CD96: variants seen among roughly 807,000 people sequenced by gnomAD.
CD96 encodes T-cell surface protein tactile.
In CD96, 70 loss-of-function variants were observed where a neutral mutation model predicts 71.3. That is an observed-to-expected ratio of 0.98 (90% CI 0.81 to 1.20). The LOEUF (loss-of-function observed/expected upper bound fraction) is 1.20. CD96 is among the 50% of genes most tolerant of loss of function. CD96 has a pLI of 0.00. For missense variants in CD96, 742 were observed against 677.5 expected, an observed-to-expected ratio of 1.10 and a Z score of -1.06; for synonymous variants, 248 against 233.0, an observed-to-expected ratio of 1.06 and a Z score of -0.59.
intron 3 of CD96, 80 bp downstream of exon 3, chr3:111,567,727 G>A (rs777881366): frequency 6.3e-6 from 8 of 1,260,834 alleles, no homozygotes; most frequent in African/African-American, 4.4e-5. Flanking sequence ...AGTAATAATA[G>A]GGAAGGAAGC....
chr3:111,564,002 A>G (rs1000673897), intron 2 of CD96, among the ~76,000 whole-genome samples: 6 of 152,096 alleles, frequency 3.9e-5, no homozygotes, highest in Admixed American at 6.5e-5. Context: ...TAACTATGTT[A>G]CTCTATTGTT....
chr3:111,649,967 C>T lies in CD96; in HGVS notation c.*161C>T. On this transcript the variant is annotated 3_prime_UTR_variant, in exon 14 of 14. Coordinates refer to ENST00000352690, the MANE Select transcript of CD96 (RefSeq NM_005816.5). Reference sequence around the variant, plus strand: ...GTTTTCCCAGCAACTCACCCTCTTCCATCTCCAAACGCCTGAAGCTTAACC... The same window carrying T: ...GTTTTCCCAGCAACTCACCCTCTTCTATCTCCAAACGCCTGAAGCTTAACC... The T allele has an allele frequency of 1.5e-6, 1 of 670,088 alleles. No homozygotes were observed. The highest frequency in any genetic ancestry group is 3.1e-4 in the Middle Eastern group (1 of 3,192). The allele number at this position is 670,088 out of a possible 1,614,324, so 41.5% of individuals were successfully genotyped here.
chr3:111,638,759 C>G (rs1019283540), intron 12 of CD96, among the ~76,000 whole-genome samples: 1 of 152,154 alleles, frequency 6.6e-6, no homozygotes, highest in African/African-American at 2.4e-5. Flanking sequence ...GTACTCAGCT[C>G]ATTTTGTGTC....
At chr3:111,628,364 CA>C (rs1288623656) in intron 10 of CD96, among the ~76,000 whole-genome samples, 2 of 152,194 alleles carry the variant, frequency 1.3e-5, no homozygotes, top group Admixed American at 6.5e-5. Context: ...AAACACACTA[CA>C]AAAACTTCAC....
At chr3:111,547,617 T>G (rs1934478641) in intron 2 of CD96, among the ~76,000 whole-genome samples, 1 of 152,138 alleles carries the variant, frequency 6.6e-6, no homozygotes, top group Non-Finnish European at 1.5e-5. Context: ...TTTAAAGAAA[T>G]GTATTTCTTA....
intron 8 of CD96, among the ~76,000 whole-genome samples, chr3:111,618,168 T>G (rs1559759699): frequency 6.6e-6 from 1 of 152,200 alleles, no homozygotes; most frequent in African/African-American, 2.4e-5. Flanking sequence ...TGGCTCACCC[T>G]TGGCAGGTGT....
rs1940010989 is a variant in CD96 at position 111,650,087 on chromosome 3, A to C, written c.*281A>C. 2.4e-6 allele frequency: 1 copy of C among 414,788 alleles called. No individual in the cohort carries two copies. Among genetic ancestry groups the C allele is most frequent in the African/African-American group, 2.0e-5 (1 of 49,424 alleles). 25.7% of individuals were successfully genotyped at this position (414,788 alleles called of 1,614,324 possible). A position where few individuals can be genotyped will look rare whatever the true frequency, so the allele number is the denominator to read the frequency against. On this transcript the variant is annotated 3_prime_UTR_variant, in exon 14 of 14. Coordinates refer to ENST00000352690, the MANE Select transcript of CD96 (RefSeq NM_005816.5). The stretch of plus-strand genomic sequence containing the variant: ...TACATATTAGTCTGCCATCTTTAAA[A>C]AAAAATACAGTATTTTCATTTAAAT...
At chr3:111,566,761 A>C (rs1935732374) in intron 2 of CD96, among the ~76,000 whole-genome samples, 1 of 152,260 alleles carries the variant, frequency 6.6e-6, no homozygotes, top group East Asian at 1.9e-4. Flanking sequence ...TGCTTCCTCA[A>C]AGTTTCCTTA....
intron 10 of CD96, among the ~76,000 whole-genome samples, chr3:111,628,581 C>A (rs1450441650): frequency 5.9e-5 from 9 of 152,068 alleles, no homozygotes; most frequent in African/African-American, 1.9e-4. Flanking sequence ...AAGAATGGAA[C>A]CAACTTGGAA....
chr3:111,546,456 A>G (rs1934401519), intron 2 of CD96, among the ~76,000 whole-genome samples: 1 of 152,234 alleles, frequency 6.6e-6, no homozygotes, highest in South Asian at 2.1e-4. Context: ...TTTAAGTTCT[A>G]GCTCCTTTCT....
intron 10 of CD96, among the ~76,000 whole-genome samples, chr3:111,636,340 T>G (rs1300129190): frequency 6.6e-6 from 1 of 152,200 alleles, no homozygotes; most frequent in Non-Finnish European, 1.5e-5. Flanking sequence ...TATTTTGATT[T>G]TGCTCACTTG....
chr3:111,592,868 G>C (rs1937057541), intron 5 of CD96: 1 of 152,134 alleles, frequency 6.6e-6, no homozygotes, highest in Non-Finnish European at 1.5e-5. Flanking sequence ...TTAAGCATTA[G>C]GTTGTTAAAA....
At chr3:111,568,469 A>G (rs1401888629) in intron 3 of CD96, among the ~76,000 whole-genome samples, 5 of 152,190 alleles carry the variant, frequency 3.3e-5, no homozygotes, top group African/African-American at 1.2e-4. Context: ...AAGTTGCTTA[A>G]CATGCTTAAC....
chr3:111,577,066 C>A (rs1341732901), intron 3 of CD96, among the ~76,000 whole-genome samples: 1 of 152,260 alleles, frequency 6.6e-6, no homozygotes, highest in South Asian at 2.1e-4. Context: ...AAAAAAGCAA[C>A]CTTTGGATAA....
At chr3:111,617,137 G>T (rs1315458237) in intron 8 of CD96, among the ~76,000 whole-genome samples, 1 of 152,252 alleles carries the variant, frequency 6.6e-6, no homozygotes, top group Admixed American at 6.5e-5. Context: ...AGCAGGTGGA[G>T]ATGGGCTGAG....
chr3:111,550,043 T>G (rs1934615693), intron 2 of CD96, among the ~76,000 whole-genome samples: 1 of 151,944 alleles, frequency 6.6e-6, no homozygotes, highest in Admixed American at 6.6e-5. Flanking sequence ...TGGTGACGGA[T>G]GGAGAAAGGT....
At chr3:111,661,357 A>G (rs1256040459) in intron 14 of CD96, among the ~76,000 whole-genome samples, 1 of 152,180 alleles carries the variant, frequency 6.6e-6, no homozygotes, top group Non-Finnish European at 1.5e-5. Flanking sequence ...GGTCCTTCCC[A>G]AATATCATGT....
At chr3:111,665,604 A>G (rs1940462776) in exon 15 of CD96, 1 of 152,214 alleles carries the variant, frequency 6.6e-6, no homozygotes, top group African/African-American at 2.4e-5. Context: ...GATTTTCCCA[A>G]AACTCCAGAG....
At chr3:111,658,841 G>GA (rs1351576119) in intron 14 of CD96, among the ~76,000 whole-genome samples, 1 of 152,200 alleles carries the variant, frequency 6.6e-6, no homozygotes. Context: ...ATATTGGCCT[G>GA]AAGTTCTCTT....
Sources: gnomAD v4.1 joint callset for allele counts (sites outside exome capture counted in the v4.1 genomes callset) on GRCh38, gnomAD v4.1.1 for gene constraint, MANE v1.5 for transcripts, NCBI Gene and HGNC (gene_info 2026-07-23, HGNC 2026-07-21) for gene names.